BAG2: variants seen among roughly 807,000 people sequenced by gnomAD.
The protein encoded by BAG2 is BAG cochaperone 2, also known as BAG family molecular chaperone regulator 2.
A neutral mutation model predicts 16.4 loss-of-function variants in BAG2; 8 were observed. The ratio of observed to expected loss-of-function variants is 0.49; its 90% CI spans 0.29 to 0.88. The LOEUF is 0.88. BAG2 is among the 40% of genes least tolerant of loss of function. BAG2 has a pLI of 0.09. For missense variants in BAG2, 218 were observed against 248.9 expected, an observed-to-expected ratio of 0.88 and a Z score of 0.84; for synonymous variants, 82 against 89.2, an observed-to-expected ratio of 0.92 and a Z score of 0.46.
At chr6:57,179,169 G>A (rs1234975060) in intron 1 of BAG2, among the ~76,000 whole-genome samples, 1 of 151,942 alleles carries the variant, frequency 6.6e-6, no homozygotes, top group Non-Finnish European at 1.5e-5. Context: ...CTATGTTCTG[G>A]GCCCTAGTTT....
intron 1 of BAG2, chr6:57,174,157 G>C (rs1367395603): frequency 4.8e-6 from 5 of 1,042,940 alleles, no homozygotes; most frequent in Non-Finnish European, 5.9e-6. Context: ...GAAATTGGTG[G>C]CCTCAGTTAC....
intron 1 of BAG2, chr6:57,174,162 A>G (rs1457158559): frequency 2.5e-5 from 26 of 1,052,790 alleles, no homozygotes; most frequent in Admixed American, 4.2e-5. Flanking sequence ...TGGTGGCCTC[A>G]GTTACTTGAA....
In BAG2 at chr6:57,189,552, C is replaced by G. The variant is rs1322558192; in HGVS notation, c.*5362C>G. On this transcript the variant is annotated 3_prime_UTR_variant, in exon 3 of 3. Coordinates refer to ENST00000370693, the MANE Select transcript of BAG2 (RefSeq NM_004282.4). ...TTGGCTGACCTTATGAGAGCAGGAG[C>G]TCACCATGCTTATGGGTGACTATAT... is the stretch of plus-strand genomic sequence containing the variant. 1 of 152,270 alleles carries G rather than the reference C, an allele frequency of 6.6e-6. No individual in the cohort carries two copies. The highest frequency in any genetic ancestry group is 1.9e-4 in the East Asian group (1 of 5,190). 9.4% of individuals were successfully genotyped at this position (152,270 alleles called of 1,614,324 possible).
chr6:57,178,761 G>T (rs1764357031), intron 1 of BAG2, among the ~76,000 whole-genome samples: 1 of 146,294 alleles, frequency 6.8e-6, no homozygotes, highest in African/African-American at 2.6e-5. Flanking sequence ...TTTCTATTAT[G>T]TATTAAAAAA....
intron 1 of BAG2, 101 bp from the exon 2 acceptor site, chr6:57,181,931 G>T: frequency 2.1e-6 from 2 of 969,348 alleles, no homozygotes; most frequent in South Asian, 1.7e-5. Context: ...TGAAAAGTTT[G>T]GTGATCTTTA....
intron 1 of BAG2, chr6:57,173,473 G>A: frequency 1.0e-6 from 1 of 985,302 alleles, no homozygotes; most frequent in Non-Finnish European, 1.2e-6. Context: ...TATTTATTGG[G>A]CACCTCCCTA....
intron 2 of BAG2, among the ~76,000 whole-genome samples, chr6:57,182,989 A>G (rs1764510642): frequency 1.3e-5 from 2 of 152,340 alleles, no homozygotes; most frequent in African/African-American, 2.4e-5. Context: ...AAATAGGAAT[A>G]GGTCACTTCT....
In BAG2 at chr6:57,187,167, A is replaced by G. The variant is rs1764633521; in HGVS notation, c.*2977A>G. ...TATTTATTAGTAATAAAAATATAGAAGGAATTCAGTTTTCCTTTTATCCCC... is the reference window on the plus strand; with the variant it reads ...TATTTATTAGTAATAAAAATATAGAGGGAATTCAGTTTTCCTTTTATCCCC... On this transcript the variant is annotated 3_prime_UTR_variant, in exon 3 of 3. Coordinates refer to ENST00000370693, the MANE Select transcript of BAG2 (RefSeq NM_004282.4). 1 of 152,182 alleles carries G rather than the reference A, an allele frequency of 6.6e-6. No individual in the cohort carries two copies. The highest frequency in any genetic ancestry group is 2.4e-5 in the African/African-American group (1 of 41,438). The allele number at this position is 152,182 out of a possible 1,614,324, so 9.4% of individuals were successfully genotyped here.
In BAG2 at chr6:57,177,125, C is replaced by A. The variant is rs1030158593; in HGVS notation, c.113+4315C>A. Reference sequence around the variant, plus strand: ...GAGACAGAACTATGAGTTTTAAGAACCTGTTTTAGGCCAGGCGTGGTGGCT... The same window carrying A: ...GAGACAGAACTATGAGTTTTAAGAAACTGTTTTAGGCCAGGCGTGGTGGCT... On this transcript the variant is annotated intron_variant, in intron 1 of 2. Transcript: ENST00000370693. Among the ~76,000 whole-genome samples, 3 of 152,042 alleles carry A rather than the reference C, an allele frequency of 2.0e-5. No individual in the cohort carries two copies. The South Asian group carries it at 6.2e-4, about 32-fold the overall frequency.
At chr6:57,174,344 T>TTGACTGAC (rs1431218645) in intron 1 of BAG2, 2 of 1,304,128 alleles carry the variant, frequency 1.5e-6, no homozygotes, top group African/African-American at 1.5e-5. Flanking sequence ...CCACTCCGCC[T>TTGACTGAC]TCCTTCAAGC....
chr6:57,173,064 A>C (rs1202040795), intron 1 of BAG2: 2 of 875,006 alleles, frequency 2.3e-6, no homozygotes, highest in Non-Finnish European at 3.0e-6. Flanking sequence ...CGGTGGCCAC[A>C]CTTTGATTAA....
At position 57,182,149 on chromosome 6, in the gene BAG2, C is replaced by T. The variant is rs202083861; in HGVS notation, c.223+8C>T. 1.2e-6 allele frequency: 2 copies of T among 1,608,818 alleles called. No individual in the cohort carries two copies. Among genetic ancestry groups the T allele is most frequent in the East Asian group, 4.5e-5 (2 of 44,848 alleles). On this transcript the variant is annotated splice_region_variant and intron_variant, in intron 2 of 2. Coordinates refer to ENST00000370693, the MANE Select transcript of BAG2 (RefSeq NM_004282.4). ...TGAGGCAGATCAGTGACGGTGAGAG[C>T]CATCTCCACAGAAGGGGCTCATCTT...
In BAG2 at chr6:57,188,454, G is replaced by A. The variant is rs1040936985; in HGVS notation, c.*4264G>A. On this transcript the variant is annotated 3_prime_UTR_variant, in exon 3 of 3. Coordinates refer to ENST00000370693, the MANE Select transcript of BAG2 (RefSeq NM_004282.4). The stretch of plus-strand genomic sequence containing the variant: ...TTTTTTAAATATAGAAAGGTAACAC[G>A]CTTTTAGCCACACAGCTAACATGAA... The A allele has an allele frequency of 6.6e-6, 1 of 152,010 alleles. No homozygotes were observed. The highest frequency in any genetic ancestry group is 2.4e-5 in the African/African-American group (1 of 41,400). The allele number at this position is 152,010 out of a possible 1,614,324, so 9.4% of individuals were successfully genotyped here. A position where few individuals can be genotyped will look rare whatever the true frequency, so the allele number is the denominator to read the frequency against.
rs186740414 is a variant in BAG2, at chr6:57,189,304, A to G, written c.*5114A>G. 2 of 152,364 alleles carry G rather than the reference A, an allele frequency of 1.3e-5. No individual in the cohort carries two copies. Among genetic ancestry groups the G allele is most frequent in the Admixed American group, 1.3e-4 (2 of 15,304 alleles). 9.4% of individuals were successfully genotyped at this position (152,364 alleles called of 1,614,324 possible). A position where few individuals can be genotyped will look rare whatever the true frequency, so the allele number is the denominator to read the frequency against. ...GATAATCTTAAAATACCATACAAAA[A>G]TGTGTAAACAAAAGGATGGTTTAGA... is the stretch of plus-strand genomic sequence containing the variant. On this transcript the variant is annotated 3_prime_UTR_variant, in exon 3 of 3. Transcript: ENST00000370693.
chr6:57,187,011 T>TTA lies in BAG2; in HGVS notation c.*2823_*2824dup, dbSNP rs1383843381. The TTA allele has an allele frequency of 1.3e-5, 2 of 152,202 alleles. No homozygotes were observed. The highest frequency in any genetic ancestry group is 4.8e-5 in the African/African-American group (2 of 41,466). The allele number at this position is 152,202 out of a possible 1,614,324, so 9.4% of individuals were successfully genotyped here. A position where few individuals can be genotyped will look rare whatever the true frequency, so the allele number is the denominator to read the frequency against. On this transcript the variant is annotated 3_prime_UTR_variant, in exon 3 of 3. Coordinates refer to ENST00000370693, the MANE Select transcript of BAG2 (RefSeq NM_004282.4). Reference sequence around the variant, plus strand: ...ACAAAATTTTAGCTTTGAAATGCATTTATTTTCTGATTATTGGAATTCATC... The same window carrying TTA: ...ACAAAATTTTAGCTTTGAAATGCATTTATATTTTCTGATTATTGGAATTCATC...
rs1764738877 is a variant in BAG2, at chr6:57,189,276, A to C, written c.*5086A>C. On this transcript the variant is annotated 3_prime_UTR_variant, in exon 3 of 3. Coordinates refer to ENST00000370693, the MANE Select transcript of BAG2 (RefSeq NM_004282.4). ...ACAAGGTTATAGAAATGTTGAAGTG[A>C]TTGATAATCTTAAAATACCATACAA... The C allele has an allele frequency of 6.6e-6, 1 of 152,224 alleles. No homozygotes were observed. Among genetic ancestry groups the C allele is most frequent in the Non-Finnish European group, 1.5e-5 (1 of 68,038 alleles). The allele number at this position is 152,224 out of a possible 1,614,324, so 9.4% of individuals were successfully genotyped here.
intron 1 of BAG2, among the ~76,000 whole-genome samples, 157 bp from the exon 2 acceptor site, chr6:57,181,875 G>C (rs1764459484): frequency 6.6e-6 from 1 of 152,202 alleles, no homozygotes; most frequent in African/African-American, 2.4e-5. Context: ...AGAAAGGCAA[G>C]TGTATAGAAA....
chr6:57,188,914 A>G lies in BAG2; in HGVS notation c.*4724A>G, dbSNP rs1764721573. The G allele has an allele frequency of 6.6e-6, 1 of 152,210 alleles. No individual in the cohort carries two copies. The highest frequency in any genetic ancestry group is 2.4e-5 in the African/African-American group (1 of 41,448). The allele number at this position is 152,210 out of a possible 1,614,324, so 9.4% of individuals were successfully genotyped here. On this transcript the variant is annotated 3_prime_UTR_variant, in exon 3 of 3. Coordinates refer to ENST00000370693, the MANE Select transcript of BAG2 (RefSeq NM_004282.4). The stretch of plus-strand genomic sequence containing the variant: ...AGGAGGATGAGGGGAGTACAGATGG[A>G]AAAACAAAAGATAAAACACAAAAGG...
Position 57,175,843 on chromosome 6 carries a change from C to T in BAG2, c.113+3033C>T, listed in dbSNP as rs531707975. The stretch of plus-strand genomic sequence containing the variant: ...TCCGTAAATATAAGTAAGTGTTTCC[C>T]TGAATTTTGTGAGCTGCTGCAGCAA... On this transcript the variant is annotated intron_variant, in intron 1 of 2. Coordinates refer to ENST00000370693, the MANE Select transcript of BAG2 (RefSeq NM_004282.4). 1.3e-3 allele frequency among the ~76,000 whole-genome samples: 197 copies of T among 152,226 alleles called. 1 individual carries two copies. Among genetic ancestry groups the T allele is most frequent in the Non-Finnish European group, 2.4e-3 (166 of 68,028 alleles).
Sources: allele counts gnomAD v4.1 joint callset (sites outside exome capture counted in the v4.1 genomes callset), GRCh38; gene constraint gnomAD v4.1.1; transcripts MANE v1.5; gene names NCBI Gene and HGNC (gene_info 2026-07-23, HGNC 2026-07-21).